The following CNOT1 variants were observed in gnomAD, a reference collection of about 807,000 sequenced individuals.
CNOT1 encodes the protein CCR4-associated factor 1.
Under a neutral mutation model 273.8 loss-of-function variants are expected in CNOT1, and 15 were observed. That is an observed-to-expected ratio of 0.05 (90% confidence interval 0.04 to 0.08). CNOT1 has a LOEUF of 0.08. CNOT1 is among the 10% of genes least tolerant of loss of function. The pLI is 1.00. For missense variants in CNOT1, 1,644 were observed against 2,912.2 expected, an observed-to-expected ratio of 0.56 and a Z score of 10.02; for synonymous variants, 1,022 against 1,005.5, an observed-to-expected ratio of 1.02 and a Z score of -0.31.
At chr16:58,590,299 T>A (rs1469418237) in intron 2 of CNOT1, among the ~76,000 whole-genome samples, 1 of 152,136 alleles carries the variant, frequency 6.6e-6, no homozygotes, top group Non-Finnish European at 1.5e-5. Context: ...AGAATCTGGA[T>A]TTATAGTCCA....
intron 25 of CNOT1, among the ~76,000 whole-genome samples, chr16:58,548,987 GT>G (rs2040352112): frequency 6.6e-6 from 1 of 152,118 alleles, no homozygotes. Context: ...ATATTTTTCT[GT>G]TTTTTAAAAA....
chr16:58,602,996 A>C (rs2152015747), intron 1 of CNOT1, among the ~76,000 whole-genome samples: 1 of 152,232 alleles, frequency 6.6e-6, no homozygotes, highest in South Asian at 2.1e-4. Context: ...TCAGGCCAAA[A>C]TCTTGGAGCC....
chr16:58,607,899 C>T (rs938580132), intron 1 of CNOT1, among the ~76,000 whole-genome samples: 3 of 151,846 alleles, frequency 2.0e-5, no homozygotes, highest in Non-Finnish European at 4.4e-5. Context: ...AGGCCAGGCG[C>T]GGTGACTCAC....
intron 1 of CNOT1, among the ~76,000 whole-genome samples, chr16:58,600,097 C>T (rs117870064): frequency 0.041 from 6,240 of 151,990 alleles, 405 homozygotes; most frequent in East Asian, 0.26. Context: ...AATCCCAGCA[C>T]TTTGGGAGGC....
chr16:58,549,240 T>A (rs2040368282), intron 25 of CNOT1, among the ~76,000 whole-genome samples: 1 of 146,084 alleles, frequency 6.8e-6, no homozygotes, highest in African/African-American at 2.6e-5. Flanking sequence ...TGAGCCGAGA[T>A]CGTGCCACTG....
Position 58,553,961 on chromosome 16 carries a change from T to C in CNOT1, c.2892-101A>G, listed in dbSNP as rs1049683948. 9 of 1,386,874 alleles carry C rather than the reference T, an allele frequency of 6.5e-6. No homozygotes were observed. In the Admixed American group the frequency reaches 1.4e-4, roughly 22 times the overall value. The allele number at this position is 1,386,874 out of a possible 1,614,324, so 85.9% of individuals were successfully genotyped here. ...CTAATCTAGGTCATTTTTTTCCATC[T>C]TACCTATGAATAACTTATTTGAAGA... On this transcript the variant is annotated intron_variant, in intron 21 of 48. Coordinates refer to ENST00000317147, the MANE Select transcript of CNOT1 (RefSeq NM_016284.5).
intron 34 of CNOT1, among the ~76,000 whole-genome samples, chr16:58,541,102 G>A (rs2040079360): frequency 6.6e-6 from 1 of 152,190 alleles, no homozygotes; most frequent in South Asian, 2.1e-4. Context: ...CTCCTCAGGA[G>A]GCTGAGGTGG....
At chr16:58,568,900 A>C (rs2041162162) in intron 16 of CNOT1, among the ~76,000 whole-genome samples, 1 of 152,190 alleles carries the variant, frequency 6.6e-6, no homozygotes, top group East Asian at 1.9e-4. Context: ...AAAGGGCAAT[A>C]ACGAACAATG....
At chr16:58,538,576 T>C (rs766405782) in intron 36 of CNOT1, among the ~76,000 whole-genome samples, 196 bp downstream of exon 36, 2 of 152,202 alleles carry the variant, frequency 1.3e-5, no homozygotes, top group Non-Finnish European at 2.9e-5. Context: ...ACTGGTTTTC[T>C]ATATCCAACA....
At chr16:58,527,608 AAT>A (rs1290337639) in intron 44 of CNOT1, among the ~76,000 whole-genome samples, 2 of 152,234 alleles carry the variant, frequency 1.3e-5, no homozygotes, top group East Asian at 1.9e-4. Flanking sequence ...TATAGTTTAA[AAT>A]AGTTATTTCC....
At chr16:58,559,964 A>C in intron 17 of CNOT1, 1 of 1,107,694 alleles carries the variant, frequency 9.0e-7, no homozygotes, top group South Asian at 1.2e-5. Context: ...TCATATTTTA[A>C]AAAGAAACCC....
rs1597493050 is a variant in CNOT1 at position 58,576,684 on chromosome 16, G to T, written c.1585-102C>A. The T allele has an allele frequency of 2.0e-6, 3 of 1,518,628 alleles. No homozygotes were observed. In the East Asian group the frequency reaches 7.3e-5, roughly 37 times the overall value. 94.1% of individuals were successfully genotyped at this position (1,518,628 alleles called of 1,614,324 possible). A position where few individuals can be genotyped will look rare whatever the true frequency, so the allele number is the denominator to read the frequency against. ...TTTGCTAGAACTTGTATAAAAATCA[G>T]GTATACCTGTGCTGACATTAAGTTC... is the stretch of plus-strand genomic sequence containing the variant. On this transcript the variant is annotated intron_variant, in intron 13 of 48. Transcript: ENST00000317147.
At chr16:58,629,147 C>A (rs948940517) in intron 1 of CNOT1, among the ~76,000 whole-genome samples, 2 of 152,248 alleles carry the variant, frequency 1.3e-5, no homozygotes, top group African/African-American at 4.8e-5. Context: ...CCTTCCCATC[C>A]GGGGACACCC....
At chr16:58,522,878 A>G (rs938481584) in intron 47 of CNOT1, 4 of 152,304 alleles carry the variant, frequency 2.6e-5, no homozygotes, top group Non-Finnish European at 4.4e-5. Context: ...CAGAATGAGT[A>G]TTAAGAGGGC....
At chr16:58,602,132 A>C (rs1384969352) in intron 1 of CNOT1, among the ~76,000 whole-genome samples, 3 of 151,814 alleles carry the variant, frequency 2.0e-5, no homozygotes, top group Non-Finnish European at 4.4e-5. Context: ...GAAATGGCAC[A>C]ATCTTGGCTC....
chr16:58,533,967 T>C lies in CNOT1; in HGVS notation c.5895+180A>G, dbSNP rs113407269. The stretch of plus-strand genomic sequence containing the variant: ...CAACATGGTAAGACTCTACTAAAAA[T>C]AGAAAAGCTCCAGGAATCGTGGCTC... On this transcript the variant is annotated intron_variant, in intron 40 of 48. Transcript: ENST00000317147. 2.8e-3 allele frequency among the ~76,000 whole-genome samples: 414 copies of C among 150,068 alleles called. 2 individuals are homozygous for C. The highest frequency in any genetic ancestry group is 9.5e-3 in the African/African-American group (388 of 40,822).
intron 1 of CNOT1, among the ~76,000 whole-genome samples, chr16:58,602,000 T>C (rs928053581): frequency 1.3e-5 from 2 of 152,148 alleles, no homozygotes; most frequent in African/African-American, 4.8e-5. Context: ...CTTCACAATA[T>C]TGGAGTCCTT....
chr16:58,564,517 T>C (rs1427146333), intron 16 of CNOT1, among the ~76,000 whole-genome samples: 1 of 152,124 alleles, frequency 6.6e-6, no homozygotes, highest in African/African-American at 2.4e-5. Context: ...ATTCCACCAA[T>C]TGTAATATAA....
At position 58,599,304 on chromosome 16, in the gene CNOT1, G is replaced by C; in HGVS notation, c.34C>G (p.Gln12Glu). 3 of 1,614,154 alleles carry C rather than the reference G, an allele frequency of 1.9e-6. No homozygotes were observed. The highest frequency in any genetic ancestry group is 2.5e-6 in the Non-Finnish European group (3 of 1,180,042). The change falls in exon 2 of 49, where the codon CAA (glutamine) becomes GAA (glutamate). Residue 12 changes from glutamine to glutamate, a missense_variant. Gln to Glu is a conservative substitution (Grantham distance 29). This residue lies in a region of CNOT1 where 706 missense variants were observed against 1,021.2 expected (regional missense o/e 0.69). Transcript: ENST00000317147. ...NLDSLSLALSQISYLVDNLTK... is the reference protein window; with the variant it reads ...NLDSLSLALSEISYLVDNLTK... ...AAATTGTCCACCAGGTAGCTGATTT[G>C]AGACAAGGCCAGCGAGAGCGAGTCA...
Sources: gnomAD v4.1 joint callset for allele counts (sites outside exome capture counted in the v4.1 genomes callset) on GRCh38, gnomAD v4.1.1 for gene constraint, gnomAD v4.1.1 regional missense constraint, MANE v1.5 for transcripts, NCBI Gene and HGNC (gene_info 2026-07-23, HGNC 2026-07-21) for gene names.